Variants in MAP3K4 observed in about 807,000 individuals in gnomAD.
MAP3K4 encodes mitogen-activated protein kinase kinase kinase 4, also known as MAP three kinase 1.
A neutral mutation model predicts 185.6 loss-of-function variants in MAP3K4; 67 were observed. That is an observed-to-expected ratio of 0.36 (90% confidence interval 0.30 to 0.44). The LOEUF (loss-of-function observed/expected upper bound fraction) is 0.44. Ranked by LOEUF, MAP3K4 falls within the 20% of genes least tolerant of loss-of-function variation. The probability of loss-of-function intolerance (pLI) is 1.00; values close to 1 mark genes in which losing one functional copy is unlikely to be tolerated. For missense variants in MAP3K4, 1,551 were observed against 1,995.1 expected (o/e 0.78, Z 4.24); for synonymous variants, 702 against 710.4 (o/e 0.99, Z 0.19).
Position 161,087,648 on chromosome 6 carries a change from G to A in MAP3K4, c.2557-40G>A, listed in dbSNP as rs367626437. 17 of 1,604,964 alleles carry A rather than the reference G, an allele frequency of 1.1e-5. No individual in the cohort carries two copies. The African/African-American group carries it at 2.0e-4, about 19-fold the overall frequency. ...GTTTTAAATAACCTATTTCTCTAATGTACAGTGTTCCTTAAGATTTTGGAT... is the reference window on the plus strand; with the variant it reads ...GTTTTAAATAACCTATTTCTCTAATATACAGTGTTCCTTAAGATTTTGGAT... On this transcript the variant is annotated intron_variant, in intron 9 of 26. Transcript: ENST00000392142. The surrounding 1 kb of genome is among the most constrained non-coding windows in gnomAD (Gnocchi z 4.9).
chr6:161,013,018 T>G (rs1414286614), intron 1 of MAP3K4, among the ~76,000 whole-genome samples: 1 of 152,230 alleles, frequency 6.6e-6, no homozygotes, highest in East Asian at 1.9e-4. Context: ...CTTTTCTGGC[T>G]GCTCTCAAAA....
Position 161,064,416 on chromosome 6 carries a change from T to G in MAP3K4, c.1708-6192T>G, listed in dbSNP as rs984873819. On this transcript the variant is annotated intron_variant, in intron 3 of 26. Coordinates refer to ENST00000392142, the MANE Select transcript of MAP3K4 (RefSeq NM_005922.4). This position sits in a 1 kb window ranked among gnomAD's most constrained non-coding sequence, Gnocchi z 4.3. ...TCTGTTAATTGCTTATAACATACAT[T>G]AGATAACCCATTATTTTCCAACTTC... 1.3e-5 allele frequency among the ~76,000 whole-genome samples: 2 copies of G among 152,140 alleles called. No homozygotes were observed. Among genetic ancestry groups the G allele is most frequent in the African/African-American group, 2.4e-5 (1 of 41,454 alleles).
In MAP3K4 at chr6:161,049,688, G is replaced by T. The variant is rs771617739; in HGVS notation, c.1416G>T (p.Pro472=). The change falls in exon 3 of 27, where the codon CCG becomes CCT. Residue 472 remains proline, a synonymous_variant. Coordinates refer to ENST00000392142, the MANE Select transcript of MAP3K4 (RefSeq NM_005922.4). This position sits in a 1 kb window ranked among gnomAD's most constrained non-coding sequence, Gnocchi z 8.4. ...EEEQISDPRV[P]EIRQPIDNSF... ...AACAAATCTCTGATCCTAGGGTACC[G>T]GAAATCAGACAGCCCATAGATAACA... 2 of 1,614,112 alleles carry T rather than the reference G, an allele frequency of 1.2e-6. No individual in the cohort carries two copies. Among genetic ancestry groups the T allele is most frequent in the African/African-American group, 2.7e-5 (2 of 75,034 alleles).
chr6:161,070,571 G>A lies in MAP3K4; in HGVS notation c.1708-37G>A. 1 of 1,594,414 alleles carries A rather than the reference G, an allele frequency of 6.3e-7. No homozygotes were observed. The highest frequency in any genetic ancestry group is 8.6e-7 in the Non-Finnish European group (1 of 1,169,368). On this transcript the variant is annotated intron_variant, in intron 3 of 26. Transcript: ENST00000392142. This position sits in a 1 kb window ranked among gnomAD's most constrained non-coding sequence, Gnocchi z 4.5. ...ACAACCGTAGAACGTTGTCTCGTAT[G>A]CTCTTTTAATCTGTGCCTGTTGAAT...
chr6:161,036,681 G>A (rs1042094169), intron 2 of MAP3K4, among the ~76,000 whole-genome samples: 3 of 152,010 alleles, frequency 2.0e-5, no homozygotes, highest in Admixed American at 1.3e-4. Flanking sequence ...GCTTACTATC[G>A]GTTAATCACT....
Position 161,076,302 on chromosome 6 carries a change from G to A in MAP3K4, c.2097+2690G>A, listed in dbSNP as rs976276237. Among the ~76,000 whole-genome samples the A allele has an allele frequency of 2.6e-5, 4 of 152,178 alleles. No individual in the cohort carries two copies. The highest frequency in any genetic ancestry group is 4.1e-4 in the South Asian group (2 of 4,824). On this transcript the variant is annotated intron_variant, in intron 5 of 26. Coordinates refer to ENST00000392142, the MANE Select transcript of MAP3K4 (RefSeq NM_005922.4). The surrounding 1 kb of genome is among the most constrained non-coding windows in gnomAD (Gnocchi z 4.2). ...TGAAGAGCTGCCCGACAGAAGGAGCGCGAGCTATACCGCAGCCTTCTCTGG... is the reference window on the plus strand; with the variant it reads ...TGAAGAGCTGCCCGACAGAAGGAGCACGAGCTATACCGCAGCCTTCTCTGG...
chr6:161,067,051 T>G lies in MAP3K4; in HGVS notation c.1708-3557T>G, dbSNP rs9295138. On this transcript the variant is annotated intron_variant, in intron 3 of 26. Coordinates refer to ENST00000392142, the MANE Select transcript of MAP3K4 (RefSeq NM_005922.4). This position sits in a 1 kb window ranked among gnomAD's most constrained non-coding sequence, Gnocchi z 6.3. Reference sequence around the variant, plus strand: ...TTTACTTACACATACCTTAAGCTGTTAACCCTGAATATCTGAGACAGGTCT... The same window carrying G: ...TTTACTTACACATACCTTAAGCTGTGAACCCTGAATATCTGAGACAGGTCT... The G allele has an allele frequency of 0.21, 34,434 of 165,512 alleles. 5,004 individuals carry two copies. The highest frequency in any genetic ancestry group is 0.42 in the African/African-American group (17,442 of 41,742). 10.3% of individuals were successfully genotyped at this position (165,512 alleles called of 1,614,324 possible).
chr6:161,048,500 T>A lies in MAP3K4; in HGVS notation c.344-116T>A. ...TTAGGATATGGTATGCTTTTTTTTC[T>A]TCCATTAGCAGTCTGAAAATATAAA... On this transcript the variant is annotated intron_variant, in intron 2 of 26. Transcript: ENST00000392142. The surrounding 1 kb of genome is among the most constrained non-coding windows in gnomAD (Gnocchi z 4.7). The A allele has an allele frequency of 6.1e-6, 4 of 653,482 alleles. No homozygotes were observed. The highest frequency in any genetic ancestry group is 1.0e-5 in the Non-Finnish European group (4 of 399,762). 40.5% of individuals were successfully genotyped at this position (653,482 alleles called of 1,614,324 possible). A position where few individuals can be genotyped will look rare whatever the true frequency, so the allele number is the denominator to read the frequency against.
chr6:160,999,924 CGTGAAACTTTTA>C (rs1781188843), intron 1 of MAP3K4, among the ~76,000 whole-genome samples: 1 of 152,154 alleles, frequency 6.6e-6, no homozygotes, highest in African/African-American at 2.4e-5. Context: ...GTTTTTCCCC[CGTGAAACTTTTA>C]TTTCTTGCTC....
At chr6:160,999,879 A>T (rs1406229889) in intron 1 of MAP3K4, among the ~76,000 whole-genome samples, 2 of 152,234 alleles carry the variant, frequency 1.3e-5, no homozygotes, top group Non-Finnish European at 2.9e-5. Context: ...GCAAATAGAA[A>T]ATATGAAATC....
chr6:161,057,241 C>T (rs900495922), intron 3 of MAP3K4, among the ~76,000 whole-genome samples: 13 of 152,178 alleles, frequency 8.5e-5, no homozygotes, highest in African/African-American at 2.6e-4. Context: ...AAGAGGTTGC[C>T]GTTTATATTC....
intron 6 of MAP3K4, among the ~76,000 whole-genome samples, chr6:161,081,710 C>T (rs542589533): frequency 3.0e-4 from 46 of 152,106 alleles, no homozygotes; most frequent in Non-Finnish European, 5.9e-4. Context: ...GGGCACAGGC[C>T]GCGTCTCCGT....
rs534364046 is a variant in MAP3K4, at chr6:161,097,377, T to G, written c.3524+201T>G. Among the ~76,000 whole-genome samples, 1 of 152,256 alleles carries G rather than the reference T, an allele frequency of 6.6e-6. No homozygotes were observed. The highest frequency in any genetic ancestry group is 1.5e-5 in the Non-Finnish European group (1 of 68,054). On this transcript the variant is annotated intron_variant, in intron 16 of 26. Transcript: ENST00000392142. The surrounding 1 kb of genome is among the most constrained non-coding windows in gnomAD (Gnocchi z 4.9). Reference sequence around the variant, plus strand: ...TGCAAATTTAAAACAGACCTGTGCCTTTCAAGATAACTTCGTTTCTCAGCT... The same window carrying G: ...TGCAAATTTAAAACAGACCTGTGCCGTTCAAGATAACTTCGTTTCTCAGCT...
rs142085857 is a variant in MAP3K4 at position 161,064,652 on chromosome 6, A to C, written c.1708-5956A>C. On this transcript the variant is annotated intron_variant, in intron 3 of 26. Transcript: ENST00000392142. This position sits in a 1 kb window ranked among gnomAD's most constrained non-coding sequence, Gnocchi z 4.3. The stretch of plus-strand genomic sequence containing the variant: ...ATTTTTGCACATTACTTTCTTCCAC[A>C]TGGGCTTTATTATGGATTTGTCAAA... Among the ~76,000 whole-genome samples, 30 of 152,064 alleles carry C rather than the reference A, an allele frequency of 2.0e-4. No individual in the cohort carries two copies. Among genetic ancestry groups the C allele is most frequent in the Non-Finnish European group, 4.1e-4 (28 of 68,036 alleles).
Position 161,093,744 on chromosome 6 carries a change from T to C in MAP3K4, c.3349-29T>C. 2 of 1,409,406 alleles carry C rather than the reference T, an allele frequency of 1.4e-6. No individual in the cohort carries two copies. Among genetic ancestry groups the C allele is most frequent in the South Asian group, 2.4e-5 (2 of 84,518 alleles). The allele number at this position is 1,409,406 out of a possible 1,614,324, so 87.3% of individuals were successfully genotyped here. Reference sequence around the variant, plus strand: ...TAAGAAAGTATGCATGTTTTCTCTTTACCTTTCCCATTTTCTTTTGGTTTC... The same window carrying C: ...TAAGAAAGTATGCATGTTTTCTCTTCACCTTTCCCATTTTCTTTTGGTTTC... On this transcript the variant is annotated intron_variant, in intron 14 of 26. Transcript: ENST00000392142. The surrounding 1 kb of genome is among the most constrained non-coding windows in gnomAD (Gnocchi z 5.2).
Position 161,106,983 on chromosome 6 carries a change from C to T in MAP3K4, c.4048+278C>T, listed in dbSNP as rs1297964999. Among the ~76,000 whole-genome samples, 1 of 151,712 alleles carries T rather than the reference C, an allele frequency of 6.6e-6. No individual in the cohort carries two copies. Among genetic ancestry groups the T allele is most frequent in the African/African-American group, 2.4e-5 (1 of 41,282 alleles). On this transcript the variant is annotated intron_variant, in intron 20 of 26. Coordinates refer to ENST00000392142, the MANE Select transcript of MAP3K4 (RefSeq NM_005922.4). This position sits in a 1 kb window ranked among gnomAD's most constrained non-coding sequence, Gnocchi z 4.9. The stretch of plus-strand genomic sequence containing the variant: ...TTTGCTTAATAACCCTGGAATTTGC[C>T]AGTGGAGAGGTACCAAAATTTGACC...
In MAP3K4 at chr6:161,111,824, TTTTC is replaced by T. The variant is rs1326436486; in HGVS notation, c.4397-8_4397-5del. ...TCAGAGGCTGCGTAACAACTACTTC[TTTTC>T]TTTTTAGGTGCCAATATCTTCCTTA... On this transcript the variant is annotated splice_region_variant and splice_polypyrimidine_tract_variant and intron_variant, in intron 23 of 26. Transcript: ENST00000392142. 5 of 27,484 alleles carry T rather than the reference TTTTC, an allele frequency of 1.8e-4. No individual in the cohort carries two copies. Among genetic ancestry groups the T allele is most frequent in the Non-Finnish European group, 1.4e-4 (3 of 21,366 alleles). 1.7% of individuals were successfully genotyped at this position (27,484 alleles called of 1,614,324 possible).
At chr6:161,000,729 A>G (rs1325493776) in intron 1 of MAP3K4, among the ~76,000 whole-genome samples, 1 of 150,606 alleles carries the variant, frequency 6.6e-6, no homozygotes, top group Non-Finnish European at 1.5e-5. Flanking sequence ...ATACACACAC[A>G]TACACACACA....
In MAP3K4 at chr6:160,996,639, A is replaced by G. The variant is rs535011993; in HGVS notation, c.152+4556A>G. On this transcript the variant is annotated intron_variant, in intron 1 of 26. Coordinates refer to ENST00000392142, the MANE Select transcript of MAP3K4 (RefSeq NM_005922.4). This position sits in a 1 kb window ranked among gnomAD's most constrained non-coding sequence, Gnocchi z 4.5. ...CTGGTAGTGGTTTCTTTAAAGAGAAAATGGAAAACGTGAGAGAAGGAGATT... is the reference window on the plus strand; with the variant it reads ...CTGGTAGTGGTTTCTTTAAAGAGAAGATGGAAAACGTGAGAGAAGGAGATT... Among the ~76,000 whole-genome samples the G allele has an allele frequency of 6.6e-6, 1 of 152,274 alleles. No individual in the cohort carries two copies. The highest frequency in any genetic ancestry group is 2.4e-5 in the African/African-American group (1 of 41,538).
Sources: allele counts gnomAD v4.1 joint callset (sites outside exome capture counted in the v4.1 genomes callset), GRCh38; gene constraint gnomAD v4.1.1; non-coding constraint Gnocchi (gnomAD v3.1); transcripts MANE v1.5; gene names NCBI Gene and HGNC (gene_info 2026-07-23, HGNC 2026-07-21).